The following PIEZO2 variants were observed in gnomAD, a reference collection of about 807,000 sequenced individuals.
The protein encoded by PIEZO2 is piezo-type mechanosensitive ion channel component 2.
Under a neutral mutation model 337.3 loss-of-function variants are expected in PIEZO2, and 172 were observed. The ratio of observed to expected loss-of-function variants is 0.51; its 90% CI spans 0.45 to 0.58. The LOEUF (loss-of-function observed/expected upper bound fraction) is 0.58, where lower values mean the gene tolerates loss of function less well. Ranked by LOEUF, PIEZO2 falls within the 20% of genes least tolerant of loss-of-function variation. The pLI is 0.00. For missense variants in PIEZO2, 3,028 were observed against 3,391.3 expected (o/e 0.89, Z 2.66); for synonymous variants, 1,251 against 1,228.5 (o/e 1.02, Z -0.38).
rs1333480840 is a variant in PIEZO2, at chr18:10,741,054, C to T, written c.4685G>A (p.Arg1562Gln). 4.2e-5 allele frequency: 64 copies of T among 1,537,000 alleles called. No homozygotes were observed. The highest frequency in any genetic ancestry group is 6.8e-5 in the African/African-American group (5 of 73,008). Residue 1562 changes from arginine (R) to glutamine (Q), a missense_variant, in exon 33 of 56, where the codon CGG becomes CAG. Around this residue, in one of 5 missense-constraint regions of PIEZO2, gnomAD observed 1,925 missense variants for 2,051.9 expected, o/e 0.94. Transcript: ENST00000674853. ...KAKGKKKQWW[R>Q]PWVDHASMVR... ...ACTGGAAGCATGATCAACCCAAGGC[C>T]GCCACCACTGCTTTTTTTTGCCCTT...
At position 10,894,412 on chromosome 18, in the gene PIEZO2, C is replaced by G. The variant is rs913043933; in HGVS notation, c.329+16774G>C. 6 of 152,152 alleles carry G rather than the reference C, an allele frequency of 3.9e-5. No individual in the cohort carries two copies. The highest frequency in any genetic ancestry group is 7.3e-5 in the Non-Finnish European group (5 of 68,054). The allele number at this position is 152,152 out of a possible 1,614,324, so 9.4% of individuals were successfully genotyped here. ...GAGCTGGCAGTGAGCTGAGATCACC[C>G]CACTTAACTCCAGCCTGGGCAATAA... is the stretch of plus-strand genomic sequence containing the variant. On this transcript the variant is annotated intron_variant, in intron 4 of 55. Transcript: ENST00000674853. This position sits in a 1 kb window ranked among gnomAD's most constrained non-coding sequence, Gnocchi z 4.1.
In PIEZO2 at chr18:11,035,856, C is replaced by A. The variant is rs1434923295; in HGVS notation, c.160+30271G>T. Reference sequence around the variant, plus strand: ...GCCCATGGGTGTCTCCCCTAATGAACAGCAAATAATATCTGTACTCCAAAT... The same window carrying A: ...GCCCATGGGTGTCTCCCCTAATGAAAAGCAAATAATATCTGTACTCCAAAT... On this transcript the variant is annotated intron_variant, in intron 2 of 55. Coordinates refer to ENST00000674853, the MANE Select transcript of PIEZO2 (RefSeq NM_001378183.1). The surrounding 1 kb of genome is among the most constrained non-coding windows in gnomAD (Gnocchi z 4.3). Among the ~76,000 whole-genome samples, 1 of 152,166 alleles carries A rather than the reference C, an allele frequency of 6.6e-6. No homozygotes were observed. The highest frequency in any genetic ancestry group is 6.5e-5 in the Admixed American group (1 of 15,280).
chr18:10,892,998 A>G (rs1418301163), intron 4 of PIEZO2, among the ~76,000 whole-genome samples: 1 of 152,220 alleles, frequency 6.6e-6, no homozygotes, highest in Non-Finnish European at 1.5e-5. Context: ...GAGCTGCTTC[A>G]GTGGTTTCTC....
At chr18:10,703,654 C>T (rs556159101) in intron 42 of PIEZO2, among the ~76,000 whole-genome samples, 2 of 152,134 alleles carry the variant, frequency 1.3e-5, no homozygotes, top group African/African-American at 2.4e-5. Context: ...GCACCATGGT[C>T]GTCCAGGCAC....
At chr18:11,086,047 G>A (rs1259263736) in intron 1 of PIEZO2, among the ~76,000 whole-genome samples, 1 of 152,118 alleles carries the variant, frequency 6.6e-6, no homozygotes, top group Non-Finnish European at 1.5e-5. Flanking sequence ...TACGTTGTAT[G>A]TAATTGAATT....
chr18:11,044,785 G>C (rs755545553), intron 2 of PIEZO2, among the ~76,000 whole-genome samples: 1 of 152,172 alleles, frequency 6.6e-6, no homozygotes, highest in Non-Finnish European at 1.5e-5. Context: ...TTAGGTTCCT[G>C]TGAGCCTCTG....
chr18:10,875,993 T>C (rs1184345799), intron 4 of PIEZO2, among the ~76,000 whole-genome samples: 1 of 152,252 alleles, frequency 6.6e-6, no homozygotes, highest in Admixed American at 6.5e-5. Context: ...ACTACTACTC[T>C]TGGCTTGCTG....
At chr18:11,013,828 T>G (rs552148746) in intron 2 of PIEZO2, among the ~76,000 whole-genome samples, 7 of 152,204 alleles carry the variant, frequency 4.6e-5, no homozygotes, top group Non-Finnish European at 1.0e-4. Context: ...AGGCTTTTAA[T>G]GAGCTGGAGT....
At chr18:10,691,840 A>G (rs2143634933) in intron 47 of PIEZO2, among the ~76,000 whole-genome samples, 1 of 139,744 alleles carries the variant, frequency 7.2e-6, no homozygotes, top group South Asian at 2.4e-4. Context: ...TATGTAGGAG[A>G]AAGAATTCTG....
At chr18:11,023,161 A>G (rs977355596) in intron 2 of PIEZO2, among the ~76,000 whole-genome samples, 1 of 152,058 alleles carries the variant, frequency 6.6e-6, no homozygotes, top group African/African-American at 2.4e-5. Flanking sequence ...AAGCTTCCAC[A>G]CTGTGGAAGG....
In PIEZO2 at chr18:10,759,998, G is replaced by T; in HGVS notation, c.3451-89C>A. 2 of 1,179,468 alleles carry T rather than the reference G, an allele frequency of 1.7e-6. No individual in the cohort carries two copies. Among genetic ancestry groups the T allele is most frequent in the Middle Eastern group, 1.9e-4 (1 of 5,236 alleles). 73.1% of individuals were successfully genotyped at this position (1,179,468 alleles called of 1,614,324 possible). A position where few individuals can be genotyped will look rare whatever the true frequency, so the allele number is the denominator to read the frequency against. On this transcript the variant is annotated intron_variant, in intron 24 of 55. Coordinates refer to ENST00000674853, the MANE Select transcript of PIEZO2 (RefSeq NM_001378183.1). This position sits in a 1 kb window ranked among gnomAD's most constrained non-coding sequence, Gnocchi z 5.5. ...AGGTGTCAGGTCTGTGTAGATGGCGGAGACCCATGTCCCTCAGGGCAAGTC... is the reference window on the plus strand; with the variant it reads ...AGGTGTCAGGTCTGTGTAGATGGCGTAGACCCATGTCCCTCAGGGCAAGTC...
Position 11,140,871 on chromosome 18 carries a change from C to A in PIEZO2, c.64+7654G>T, listed in dbSNP as rs149851996. ...TAACTGGATGTGAGCAGAAGTGATT[C>A]TTGCAGCTTCCTGGCTGTACCCGTA... On this transcript the variant is annotated intron_variant, in intron 1 of 55. Transcript: ENST00000674853. Among the ~76,000 whole-genome samples the A allele has an allele frequency of 6.2e-3, 937 of 152,290 alleles. 6 individuals are homozygous for A. Among genetic ancestry groups the A allele is most frequent in the African/African-American group, 0.021 (860 of 41,558 alleles).
intron 2 of PIEZO2, among the ~76,000 whole-genome samples, chr18:11,044,430 C>T (rs1251278184): frequency 6.6e-6 from 1 of 152,046 alleles, no homozygotes; most frequent in Non-Finnish European, 1.5e-5. Context: ...GTTTAAAGTT[C>T]CAGGCCTTCT....
At chr18:10,939,716 A>G (rs1239063337) in intron 3 of PIEZO2, among the ~76,000 whole-genome samples, 1 of 152,190 alleles carries the variant, frequency 6.6e-6, no homozygotes, top group Non-Finnish European at 1.5e-5. Flanking sequence ...GAGTTGAACA[A>G]CGAGAACACA....
chr18:11,035,469 A>T lies in PIEZO2; in HGVS notation c.160+30658T>A, dbSNP rs562493065. Among the ~76,000 whole-genome samples, 1 of 152,300 alleles carries T rather than the reference A, an allele frequency of 6.6e-6. No individual in the cohort carries two copies. Among genetic ancestry groups the T allele is most frequent in the East Asian group, 1.9e-4 (1 of 5,186 alleles). On this transcript the variant is annotated intron_variant, in intron 2 of 55. Coordinates refer to ENST00000674853, the MANE Select transcript of PIEZO2 (RefSeq NM_001378183.1). This position sits in a 1 kb window ranked among gnomAD's most constrained non-coding sequence, Gnocchi z 4.3. ...TGCTTGCACAGCCTGCAGGACCATGAGTTAAATAAACCTGTTTCCTTTACA... is the reference window on the plus strand; with the variant it reads ...TGCTTGCACAGCCTGCAGGACCATGTGTTAAATAAACCTGTTTCCTTTACA...
At position 11,126,654 on chromosome 18, in the gene PIEZO2, G is replaced by C. The variant is rs1237663101; in HGVS notation, c.64+21871C>G. On this transcript the variant is annotated intron_variant, in intron 1 of 55. Transcript: ENST00000674853. This position sits in a 1 kb window ranked among gnomAD's most constrained non-coding sequence, Gnocchi z 4.6. ...ATATTTTTTTTTTTTTGTATTCCCA[G>C]AATCGAGCCATCCTGATAGGCCAGT... Among the ~76,000 whole-genome samples, 4 of 150,896 alleles carry C rather than the reference G, an allele frequency of 2.7e-5. No individual in the cohort carries two copies. The highest frequency in any genetic ancestry group is 5.9e-5 in the Non-Finnish European group (4 of 67,850).
At chr18:10,745,552 T>C (rs1286442862) in intron 30 of PIEZO2, among the ~76,000 whole-genome samples, 1 of 152,128 alleles carries the variant, frequency 6.6e-6, no homozygotes, top group Admixed American at 6.5e-5. Flanking sequence ...TTTTTGTCCT[T>C]ATATAACCTA....
chr18:10,830,592 G>C lies in PIEZO2; in HGVS notation c.918-23318C>G, dbSNP rs2040817192. 6.6e-6 allele frequency among the ~76,000 whole-genome samples: 1 copy of C among 152,070 alleles called. No individual in the cohort carries two copies. The highest frequency in any genetic ancestry group is 2.1e-4 in the South Asian group (1 of 4,816). ...ATAAAACTACTAAAAGAAAACATTG[G>C]GAAAAATCTCCAGGACATTGGTCTG... is the stretch of plus-strand genomic sequence containing the variant. On this transcript the variant is annotated intron_variant, in intron 7 of 55. Transcript: ENST00000674853. The surrounding 1 kb of genome is among the most constrained non-coding windows in gnomAD (Gnocchi z 4.7).
intron 4 of PIEZO2, among the ~76,000 whole-genome samples, chr18:10,889,716 C>T (rs938262855): frequency 6.6e-6 from 1 of 152,184 alleles, no homozygotes; most frequent in Non-Finnish European, 1.5e-5. Flanking sequence ...GCTCTTTACA[C>T]AGTGGATGAC....
Sources: gnomAD v4.1 joint callset for allele counts (sites outside exome capture counted in the v4.1 genomes callset) on GRCh38, gnomAD v4.1.1 for gene constraint, gnomAD v4.1.1 regional missense constraint, Gnocchi (gnomAD v3.1) non-coding constraint, MANE v1.5 for transcripts, NCBI Gene and HGNC (gene_info 2026-07-23, HGNC 2026-07-21) for gene names.